The following KAZN variants were observed in gnomAD, a reference collection of about 807,000 sequenced individuals.
The protein encoded by KAZN is kazrin, periplakin interacting protein.
A neutral mutation model predicts 87.4 loss-of-function variants in KAZN; 40 were observed. That is an observed-to-expected ratio of 0.46 (90% CI 0.36 to 0.60). KAZN has a LOEUF of 0.60. KAZN is among the 20% of genes least tolerant of loss of function. The pLI, the probability that KAZN is intolerant of heterozygous loss-of-function variation, is 0.00. For missense variants in KAZN, 898 were observed against 1,073.9 expected (o/e 0.84, Z 2.29); for synonymous variants, 466 against 458.3 (o/e 1.02, Z -0.22).
chr1:14,088,007 T>C (rs6677152), intron 1 of KAZN, among the ~76,000 whole-genome samples: 50,351 of 148,024 alleles, frequency 0.34, 8,908 homozygotes, highest in East Asian at 0.66. Flanking sequence ...TTTTTTTTTT[T>C]TCTTGATGTA....
chr1:14,493,252 A>G (rs778881152), intron 2 of KAZN, among the ~76,000 whole-genome samples: 1 of 152,216 alleles, frequency 6.6e-6, no homozygotes, highest in Non-Finnish European at 1.5e-5. Context: ...TTTCTCTGAA[A>G]TCCCCAGCAT....
At chr1:14,794,029 C>T (rs144646528) in intron 1 of KAZN, among the ~76,000 whole-genome samples, 3 of 152,280 alleles carry the variant, frequency 2.0e-5, no homozygotes, top group East Asian at 1.9e-4. Context: ...CTTTTGTTCA[C>T]GAGCAGTTAC....
chr1:13,908,834 G>A (rs995675430), intron 1 of KAZN, among the ~76,000 whole-genome samples: 3 of 152,186 alleles, frequency 2.0e-5, no homozygotes, highest in Admixed American at 6.5e-5. Flanking sequence ...GACAAGACCT[G>A]TGTTCACCCC....
intron 1 of KAZN, among the ~76,000 whole-genome samples, chr1:13,992,496 C>T (rs1639330911): frequency 6.6e-6 from 1 of 152,066 alleles, no homozygotes; most frequent in African/African-American, 2.4e-5. Flanking sequence ...GAATTTCCTG[C>T]AAATGGTGGC....
Position 15,056,359 on chromosome 1 carries a change from G to C in KAZN, c.916+79G>C. The C allele has an allele frequency of 2.1e-6, 3 of 1,425,970 alleles. No homozygotes were observed. The highest frequency in any genetic ancestry group is 2.8e-6 in the Non-Finnish European group (3 of 1,056,688). The allele number at this position is 1,425,970 out of a possible 1,614,324, so 88.3% of individuals were successfully genotyped here. On this transcript the variant is annotated intron_variant, in intron 5 of 14. Transcript: ENST00000376030. This position sits in a 1 kb window ranked among gnomAD's most constrained non-coding sequence, Gnocchi z 5.4. ...GCCATCTGACCCAGTGGGAGAGGCA[G>C]CTGCTTTGTTCGTACTACAGCAGCT... is the stretch of plus-strand genomic sequence containing the variant.
rs571962186 is a variant in KAZN, at chr1:15,077,631, G to A, written c.1222+11878G>A. Among the ~76,000 whole-genome samples, 7 of 152,316 alleles carry A rather than the reference G, an allele frequency of 4.6e-5. No homozygotes were observed. The highest frequency in any genetic ancestry group is 4.1e-4 in the South Asian group (2 of 4,832). On this transcript the variant is annotated intron_variant, in intron 8 of 14. Transcript: ENST00000376030. This position sits in a 1 kb window ranked among gnomAD's most constrained non-coding sequence, Gnocchi z 4.8. The stretch of plus-strand genomic sequence containing the variant: ...TCAGTTGTTTTTTATAGTCACTACC[G>A]GAGTCTCTGGGACTCAGAGATGGGG...
intron 2 of KAZN, among the ~76,000 whole-genome samples, chr1:14,303,469 C>A (rs190211992): frequency 6.6e-6 from 1 of 152,208 alleles, no homozygotes; most frequent in Non-Finnish European, 1.5e-5. Flanking sequence ...CAGTCTCAAT[C>A]TCCTGACCTC....
chr1:14,371,051 A>G (rs572045925), intron 2 of KAZN, among the ~76,000 whole-genome samples: 1 of 152,180 alleles, frequency 6.6e-6, no homozygotes, highest in South Asian at 2.1e-4. Flanking sequence ...TGAGCTCAAC[A>G]CTCATAAAGA....
At chr1:14,881,273 G>C (rs1653311027) in intron 1 of KAZN, among the ~76,000 whole-genome samples, 1 of 152,216 alleles carries the variant, frequency 6.6e-6, no homozygotes. Context: ...AGGGTGACAG[G>C]TCAGATAATG....
intron 2 of KAZN, among the ~76,000 whole-genome samples, chr1:14,256,018 G>A (rs1229162506): frequency 2.6e-5 from 4 of 152,128 alleles, no homozygotes; most frequent in Non-Finnish European, 5.9e-5. Context: ...ACTCTCTGTC[G>A]CAGCTTCTCT....
intron 1 of KAZN, among the ~76,000 whole-genome samples, chr1:13,963,227 G>A (rs935852503): frequency 5.3e-5 from 8 of 152,092 alleles, no homozygotes; most frequent in African/African-American, 1.7e-4. Flanking sequence ...TAGGCTGAGG[G>A]CTACTTTCAA....
intron 1 of KAZN, among the ~76,000 whole-genome samples, chr1:14,665,243 C>A (rs1187671874): frequency 1.3e-5 from 2 of 152,136 alleles, no homozygotes. Flanking sequence ...ACTGAGCAGA[C>A]CTCTCTGTCC....
At chr1:14,067,925 G>A (rs1209914735) in intron 1 of KAZN, among the ~76,000 whole-genome samples, 1 of 152,148 alleles carries the variant, frequency 6.6e-6, no homozygotes, top group Non-Finnish European at 1.5e-5. Context: ...CAGAAAGAGA[G>A]GTTTTCATTC....
chr1:15,049,267 T>C (rs999665448), intron 4 of KAZN, among the ~76,000 whole-genome samples: 3 of 152,244 alleles, frequency 2.0e-5, no homozygotes, highest in East Asian at 1.9e-4. Flanking sequence ...ACACTGGTCC[T>C]GTCCCTGGGA....
At chr1:14,863,668 G>C (rs1367999437) in intron 1 of KAZN, among the ~76,000 whole-genome samples, 1 of 152,206 alleles carries the variant, frequency 6.6e-6, no homozygotes, top group Non-Finnish European at 1.5e-5. Context: ...CAAATCCCGT[G>C]ATGGCTCTTG....
chr1:14,544,620 T>G (rs2148501121), intron 2 of KAZN, among the ~76,000 whole-genome samples: 3 of 152,024 alleles, frequency 2.0e-5, no homozygotes, highest in Admixed American at 2.0e-4. Context: ...AGAGGTGGTA[T>G]GGGCTAAAAA....
chr1:14,897,866 C>T (rs1220039767), intron 1 of KAZN, among the ~76,000 whole-genome samples: 1 of 152,194 alleles, frequency 6.6e-6, no homozygotes, highest in Non-Finnish European at 1.5e-5. Context: ...TCACTCAGAA[C>T]CGCTTGCTGA....
At chr1:14,229,271 A>C (rs1647580178) in intron 2 of KAZN, among the ~76,000 whole-genome samples, 1 of 152,146 alleles carries the variant, frequency 6.6e-6, no homozygotes, top group Non-Finnish European at 1.5e-5. Flanking sequence ...TGTAATATAA[A>C]TGCTGTTTTG....
In KAZN at chr1:13,975,354, C is replaced by G. The variant is rs115662068; in HGVS notation, c.91+81598C>G. Among the ~76,000 whole-genome samples the G allele has an allele frequency of 4.2e-3, 643 of 152,308 alleles. 8 individuals are homozygous for G. Among genetic ancestry groups the G allele is most frequent in the African/African-American group, 0.015 (616 of 41,562 alleles). ...CATACCAAGCATATAAAAAAGGTCT[C>G]TTTATTCTAAGAGTATCTTTGAGTG... On this transcript the variant is annotated intron_variant, in intron 1 of 16. Transcript: ENST00000636203.
Sources: gnomAD v4.1 joint callset for allele counts (sites outside exome capture counted in the v4.1 genomes callset) on GRCh38, gnomAD v4.1.1 for gene constraint, Gnocchi (gnomAD v3.1) non-coding constraint, MANE v1.5 for transcripts, NCBI Gene and HGNC (gene_info 2026-07-23, HGNC 2026-07-21) for gene names.